RORB: variants seen among roughly 807,000 people sequenced by gnomAD.
The protein encoded by RORB is nuclear receptor ROR-beta.
In RORB, 6 loss-of-function variants were observed where a neutral mutation model predicts 59.1. That is an observed-to-expected ratio of 0.10 (90% CI 0.06 to 0.20). RORB has a LOEUF of 0.20. Among genes scored for constraint, RORB ranks in the 10% least tolerant of loss-of-function variants. The pLI is 1.00. For synonymous variants in RORB, 215 were observed against 204.5 expected (o/e 1.05, Z -0.44); for missense variants, 320 against 560.5 (o/e 0.57, Z 4.33).
At chr9:74,539,041 C>A (rs1826365046) in intron 1 of RORB, among the ~76,000 whole-genome samples, 1 of 152,142 alleles carries the variant, frequency 6.6e-6, no homozygotes, top group Admixed American at 6.6e-5. Flanking sequence ...CCTACACTCC[C>A]TGCCCCACTT....
Position 74,577,248 on chromosome 9 carries a change from C to A in RORB, c.8-53034C>A, listed in dbSNP as rs560097557. On this transcript the variant is annotated intron_variant, in intron 1 of 9. Transcript: ENST00000376896. ...CTATGAATTGGACTTAGTTTCTTCA[C>A]TAATGTCAAAATCGTTCTGTAAAAG... Among the ~76,000 whole-genome samples, 41 of 152,156 alleles carry A rather than the reference C, an allele frequency of 2.7e-4. No homozygotes were observed. The South Asian group carries it at 8.5e-3, about 32-fold the overall frequency.
At chr9:74,638,856 A>T (rs1372104655) in intron 3 of RORB, among the ~76,000 whole-genome samples, 1 of 152,236 alleles carries the variant, frequency 6.6e-6, no homozygotes, top group Non-Finnish European at 1.5e-5. Context: ...ATAGTATTAC[A>T]GTCATTGTCA....
Position 74,644,441 on chromosome 9 carries a change from T to C in RORB, c.637+1626T>C, listed in dbSNP as rs572641064. Among the ~76,000 whole-genome samples the C allele has an allele frequency of 3.3e-5, 5 of 152,352 alleles. No homozygotes were observed. In the South Asian group the frequency reaches 6.2e-4, roughly 19 times the overall value. ...ATAAATTAAAATAGTATTTCTGTTA[T>C]ACAGATGCTGAAACCGAAGCTTAGA... is the stretch of plus-strand genomic sequence containing the variant. On this transcript the variant is annotated intron_variant, in intron 4 of 9. Transcript: ENST00000376896.
Position 74,691,785 on chromosome 9 carries a change from C to G in RORB, c.*6167C>G, listed in dbSNP as rs1824744429. The G allele has an allele frequency of 6.6e-6, 1 of 152,104 alleles. No individual in the cohort carries two copies. Among genetic ancestry groups the G allele is most frequent in the Non-Finnish European group, 1.5e-5 (1 of 68,018 alleles). 9.4% of individuals were successfully genotyped at this position (152,104 alleles called of 1,614,324 possible). A position where few individuals can be genotyped will look rare whatever the true frequency, so the allele number is the denominator to read the frequency against. On this transcript the variant is annotated 3_prime_UTR_variant, in exon 10 of 10. Transcript: ENST00000376896. ...GTTTTTTAATGGAAACTGGTTGTAA[C>G]AGTTTAAGCATCTTGACGGGTCATT...
At chr9:74,498,817 A>G in intron 1 of RORB, 1 of 162,790 alleles carries the variant, frequency 6.1e-6, no homozygotes, top group Non-Finnish European at 1.3e-5. Flanking sequence ...TCGCAGTCGC[A>G]GGCGGTGGCG....
chr9:74,544,734 G>A (rs1335518385), intron 1 of RORB, among the ~76,000 whole-genome samples: 1 of 152,148 alleles, frequency 6.6e-6, no homozygotes, highest in Non-Finnish European at 1.5e-5. Flanking sequence ...TGTCTCCTTC[G>A]TGTGCACAGG....
At chr9:74,678,822 G>A (rs111463771) in intron 9 of RORB, among the ~76,000 whole-genome samples, 2 of 151,868 alleles carry the variant, frequency 1.3e-5, no homozygotes, top group African/African-American at 4.8e-5. Flanking sequence ...ATTACCTAAG[G>A]TCAGTTCAAG....
chr9:74,515,994 A>G (rs188365366), intron 1 of RORB, among the ~76,000 whole-genome samples: 1 of 152,152 alleles, frequency 6.6e-6, no homozygotes, highest in African/African-American at 2.4e-5. Context: ...TAAGAGAGAG[A>G]ACTAACATTG....
chr9:74,658,708 T>G (rs1414344871), intron 4 of RORB, among the ~76,000 whole-genome samples: 1 of 152,194 alleles, frequency 6.6e-6, no homozygotes, highest in Non-Finnish European at 1.5e-5. Flanking sequence ...TTTTTTTAGA[T>G]TCTAAGTAAT....
At chr9:74,588,938 TA>T (rs11351124) in intron 1 of RORB, among the ~76,000 whole-genome samples, 143,561 of 150,252 alleles carry the variant, frequency 0.96, 68,889 homozygotes, top group Non-Finnish European at 1. Context: ...AAGTGATGAT[TA>T]AAAAAAAAAA....
At chr9:74,604,111 A>T (rs2118332069) in intron 1 of RORB, among the ~76,000 whole-genome samples, 1 of 152,298 alleles carries the variant, frequency 6.6e-6, no homozygotes, top group African/African-American at 2.4e-5. Context: ...ATGTCCTATT[A>T]TTTTCTAAAC....
At chr9:74,581,282 A>G (rs1306188574) in intron 1 of RORB, among the ~76,000 whole-genome samples, 1 of 152,154 alleles carries the variant, frequency 6.6e-6, no homozygotes, top group African/African-American at 2.4e-5. Flanking sequence ...GATAGTGGTA[A>G]AAGGTTAGGA....
At chr9:74,568,077 C>A (rs567892150) in intron 1 of RORB, among the ~76,000 whole-genome samples, 20 of 152,286 alleles carry the variant, frequency 1.3e-4, no homozygotes, top group African/African-American at 4.3e-4. Flanking sequence ...TTCCTGCTGT[C>A]AATATTCGAA....
intron 9 of RORB, among the ~76,000 whole-genome samples, chr9:74,683,311 G>A (rs1006484919): frequency 4.6e-5 from 7 of 151,580 alleles, no homozygotes; most frequent in African/African-American, 1.7e-4. Context: ...GGTTAAGAGA[G>A]TTTGAATAAT....
chr9:74,662,714 C>T lies in RORB; in HGVS notation c.892+108C>T, dbSNP rs1587412736. ...CCTTCCGATATGCAGCTCGTTTCTA[C>T]CACCCACATTGTCAGCCAACTCCCA... On this transcript the variant is annotated intron_variant, in intron 6 of 9. Coordinates refer to ENST00000376896, the MANE Select transcript of RORB (RefSeq NM_006914.4). 2.6e-6 allele frequency: 3 copies of T among 1,171,344 alleles called. No homozygotes were observed. The East Asian group carries it at 7.1e-5, about 28-fold the overall frequency. 72.6% of individuals were successfully genotyped at this position (1,171,344 alleles called of 1,614,324 possible).
intron 9 of RORB, among the ~76,000 whole-genome samples, chr9:74,679,569 A>G (rs1490993866): frequency 6.6e-6 from 1 of 152,180 alleles, no homozygotes; most frequent in East Asian, 1.9e-4. Flanking sequence ...TTGAACCTGC[A>G]TTTATTATGA....
At chr9:74,500,765 G>A (rs4376556) in intron 1 of RORB, among the ~76,000 whole-genome samples, 45,227 of 152,024 alleles carry the variant, frequency 0.3, 7,078 homozygotes, top group Admixed American at 0.39. Flanking sequence ...TACGGGGAAA[G>A]AAAGGGGTTA....
intron 1 of RORB, among the ~76,000 whole-genome samples, chr9:74,588,014 C>T (rs1822829081): frequency 6.6e-6 from 1 of 152,066 alleles, no homozygotes; most frequent in South Asian, 2.1e-4. Context: ...GTTATTGTTC[C>T]CCTTTCACAC....
At position 74,686,145 on chromosome 9, in the gene RORB, T is replaced by G. The variant is rs184145958; in HGVS notation, c.*527T>G. ...TATGACTATTACTTATACATGCACA[T>G]GCACTGTGGCTTAAATACCATACCT... On this transcript the variant is annotated 3_prime_UTR_variant, in exon 10 of 10. Transcript: ENST00000376896. 82 of 152,762 alleles carry G rather than the reference T, an allele frequency of 5.4e-4. No individual in the cohort carries two copies. The highest frequency in any genetic ancestry group is 1.9e-3 in the African/African-American group (78 of 41,574). 9.5% of individuals were successfully genotyped at this position (152,762 alleles called of 1,614,324 possible). A position where few individuals can be genotyped will look rare whatever the true frequency, so the allele number is the denominator to read the frequency against.
Sources: gnomAD v4.1 joint callset for allele counts (sites outside exome capture counted in the v4.1 genomes callset) on GRCh38, gnomAD v4.1.1 for gene constraint, MANE v1.5 for transcripts, NCBI Gene and HGNC (gene_info 2026-07-23, HGNC 2026-07-21) for gene names.